The following PPFIA2 variants were observed in gnomAD, a reference collection of about 807,000 sequenced individuals.
PPFIA2 encodes PPFI scaffold protein A2, also known as liprin-alpha-2.
Under a neutral mutation model 175.5 loss-of-function variants are expected in PPFIA2, and 46 were observed. The ratio of observed to expected loss-of-function variants is 0.26; its 90% CI spans 0.21 to 0.34. The LOEUF (loss-of-function observed/expected upper bound fraction) is 0.34. PPFIA2 is among the 10% of genes least tolerant of loss of function. The pLI, the probability that PPFIA2 is intolerant of heterozygous loss-of-function variation, is 1.00. For missense variants in PPFIA2, 1,179 were observed against 1,506.1 expected, an observed-to-expected ratio of 0.78 and a Z score of 3.60; for synonymous variants, 568 against 511.4, an observed-to-expected ratio of 1.11 and a Z score of -1.49.
chr12:81,474,193 G>A (rs560453749), intron 4 of PPFIA2, among the ~76,000 whole-genome samples: 15 of 152,044 alleles, frequency 9.9e-5, no homozygotes, highest in East Asian at 9.7e-4. Flanking sequence ...TCACCACTTC[G>A]TCAAGCAGGC....
chr12:81,695,470 T>C (rs748667059), intron 3 of PPFIA2, among the ~76,000 whole-genome samples: 2 of 152,126 alleles, frequency 1.3e-5, no homozygotes, highest in Non-Finnish European at 2.9e-5. Context: ...CCCCTTCACC[T>C]TCTGCCATGA....
intron 4 of PPFIA2, among the ~76,000 whole-genome samples, chr12:81,620,821 C>G (rs1361150216): frequency 1.3e-5 from 2 of 152,158 alleles, no homozygotes; most frequent in Admixed American, 1.3e-4. Context: ...AAACATTCCT[C>G]TGACATCTTC....
rs566866017 is a variant in PPFIA2, at chr12:81,457,283, CT to C, written c.405+481del. On this transcript the variant is annotated intron_variant, in intron 5 of 32. Transcript: ENST00000549396. ...ACAGGCATGAGGCATCGCGTCCGGC[CT>C]TTTTTTTTTTTTCCTTTTTAAAAAA... 9.4e-3 allele frequency among the ~76,000 whole-genome samples: 1,320 copies of C among 141,096 alleles called. 13 individuals are homozygous for C. The highest frequency in any genetic ancestry group is 0.027 in the African/African-American group (1,039 of 38,816). 92.6% of individuals were successfully genotyped at this position (141,096 alleles called of 152,430 possible). A position where few individuals can be genotyped will look rare whatever the true frequency, so the allele number is the denominator to read the frequency against.
intron 8 of PPFIA2, among the ~76,000 whole-genome samples, chr12:81,388,908 T>C (rs538843630): frequency 1.6e-4 from 25 of 151,670 alleles, no homozygotes; most frequent in South Asian, 1.0e-3. Flanking sequence ...ATATGACGCA[T>C]GGTATAGGCA....
At chr12:81,736,150 T>G (rs1463275972) in intron 3 of PPFIA2, among the ~76,000 whole-genome samples, 1 of 151,968 alleles carries the variant, frequency 6.6e-6, no homozygotes, top group Non-Finnish European at 1.5e-5. Flanking sequence ...TATAGACAAA[T>G]TTGGGCATAT....
intron 3 of PPFIA2, among the ~76,000 whole-genome samples, chr12:81,683,066 C>A (rs1017159403): frequency 1.3e-5 from 2 of 151,994 alleles, no homozygotes; most frequent in Non-Finnish European, 2.9e-5. Context: ...ACTTCAATCT[C>A]CACTTAGATG....
chr12:81,584,608 G>A (rs1195734735), intron 4 of PPFIA2, among the ~76,000 whole-genome samples: 1 of 150,774 alleles, frequency 6.6e-6, no homozygotes, highest in Non-Finnish European at 1.5e-5. Context: ...TAGATGGCGA[G>A]CCTACTACGC....
intron 4 of PPFIA2, among the ~76,000 whole-genome samples, chr12:81,476,910 G>A (rs532212425): frequency 3.3e-4 from 50 of 152,248 alleles, no homozygotes; most frequent in African/African-American, 1.2e-3. Flanking sequence ...CCTTTGCAGG[G>A]ACATGGATGA....
At chr12:81,285,891 G>T (rs544716649) in intron 24 of PPFIA2, among the ~76,000 whole-genome samples, 18 of 152,080 alleles carry the variant, frequency 1.2e-4, no homozygotes, top group Middle Eastern at 3.4e-3. Context: ...CCCCAAGTAG[G>T]TTCCTTGGGA....
intron 3 of PPFIA2, among the ~76,000 whole-genome samples, chr12:81,721,687 T>C (rs938229280): frequency 6.6e-6 from 1 of 151,302 alleles, no homozygotes; most frequent in East Asian, 1.9e-4. Context: ...TTATTTTTAC[T>C]ACAAGTCTTT....
chr12:81,266,812 A>C, intron 30 of PPFIA2, 140 bp downstream of exon 30: 1 of 678,960 alleles, frequency 1.5e-6, no homozygotes, highest in South Asian at 1.7e-5. Context: ...ATATTTAACA[A>C]CAAACCTGGA....
At chr12:81,475,782 G>C (rs1444150316) in intron 4 of PPFIA2, among the ~76,000 whole-genome samples, 1 of 152,226 alleles carries the variant, frequency 6.6e-6, no homozygotes, top group South Asian at 2.1e-4. Context: ...GCGCGATCTC[G>C]GCTCACTGCA....
chr12:81,267,126 T>C, intron 29 of PPFIA2, 106 bp from the exon 30 acceptor site: 3 of 897,624 alleles, frequency 3.3e-6, no homozygotes, highest in South Asian at 1.5e-5. Flanking sequence ...ACTTTATTTA[T>C]GGGTTTTGAA....
At chr12:81,423,960 A>C (rs955433847) in intron 7 of PPFIA2, among the ~76,000 whole-genome samples, 10 of 152,138 alleles carry the variant, frequency 6.6e-5, no homozygotes, top group Non-Finnish European at 1.2e-4. Flanking sequence ...ACAACAATAT[A>C]AAAAGGAAAT....
chr12:81,713,346 G>T lies in PPFIA2; in HGVS notation c.250-36502C>A, dbSNP rs114638530. On this transcript the variant is annotated intron_variant, in intron 3 of 32. Transcript: ENST00000549396. ...ACCCAGCTAAGAGTAACAAAATTGG[G>T]ACTCAAAGTCAGGAAGACTGCTTTT... Among the ~76,000 whole-genome samples, 360 of 151,102 alleles carry T rather than the reference G, an allele frequency of 2.4e-3. 4 individuals carry two copies. Among genetic ancestry groups the T allele is most frequent in the African/African-American group, 8.4e-3 (350 of 41,482 alleles).
At chr12:81,274,264 T>C (rs934946641) in intron 28 of PPFIA2, among the ~76,000 whole-genome samples, 1 of 152,166 alleles carries the variant, frequency 6.6e-6, no homozygotes. Flanking sequence ...TAATAAAAAA[T>C]AAATCCAGTT....
intron 7 of PPFIA2, among the ~76,000 whole-genome samples, chr12:81,435,994 G>A (rs905201633): frequency 4.6e-5 from 7 of 151,694 alleles, no homozygotes; most frequent in Non-Finnish European, 7.4e-5. Context: ...AATCTGAAAC[G>A]TTGCTGGGTG....
intron 8 of PPFIA2, among the ~76,000 whole-genome samples, chr12:81,389,025 C>T (rs1369297140): frequency 6.6e-6 from 1 of 151,592 alleles, no homozygotes; most frequent in African/African-American, 2.4e-5. Flanking sequence ...CACAGATTCG[C>T]TGTTCTGGAC....
At chr12:81,627,910 T>A (rs1252372130) in intron 4 of PPFIA2, among the ~76,000 whole-genome samples, 2 of 152,114 alleles carry the variant, frequency 1.3e-5, no homozygotes, top group East Asian at 3.8e-4. Flanking sequence ...AGGACAAAAT[T>A]GAAATGAAAA....
Sources: allele counts gnomAD v4.1 joint callset (sites outside exome capture counted in the v4.1 genomes callset), GRCh38; gene constraint gnomAD v4.1.1; transcripts MANE v1.5; gene names NCBI Gene and HGNC (gene_info 2026-07-23, HGNC 2026-07-21).